HDAC8: variants seen among roughly 807,000 people sequenced by gnomAD.
HDAC8 encodes histone deacetylase 8.
A neutral mutation model predicts 32.2 loss-of-function variants in HDAC8; 1 was observed. The observed-to-expected ratio is 0.03, with a 90% CI of 0.01 to 0.15. The LOEUF is 0.15. Among genes scored for constraint, HDAC8 ranks in the 10% least tolerant of loss-of-function variants. The pLI, the probability that HDAC8 is intolerant of heterozygous loss-of-function variation, is 1.00. For missense variants in HDAC8, 117 were observed against 300.0 expected (o/e 0.39, Z 4.51); for synonymous variants, 108 against 113.9 (o/e 0.95, Z 0.33).
chrX:72,551,394 A>G (rs1441141098), intron 4 of HDAC8, among the ~76,000 whole-genome samples: 1 of 112,144 alleles, frequency 8.9e-6, no homozygotes, highest in Non-Finnish European at 1.9e-5. Context: ...AATCTTTTAT[A>G]TATTTTTTGT....
chrX:72,398,065 A>G, intron 9 of HDAC8, among the ~76,000 whole-genome samples: 1 of 112,302 alleles, frequency 8.9e-6, no homozygotes, highest in Non-Finnish European at 1.9e-5. Flanking sequence ...ATATACTCCC[A>G]TCAGAAGTCT....
At chrX:72,526,722 A>G (rs111871014) in intron 4 of HDAC8, among the ~76,000 whole-genome samples, 1 of 111,475 alleles carries the variant, frequency 9.0e-6, no homozygotes, top group South Asian at 3.9e-4. Context: ...ACCATGACCA[A>G]TGATGACATC....
At chrX:72,338,253 A>C (rs560522864) in intron 10 of HDAC8, among the ~76,000 whole-genome samples, 4 of 111,712 alleles carry the variant, frequency 3.6e-5, no homozygotes, top group African/African-American at 1.3e-4. Context: ...CCTGACACCT[A>C]GTAGGTGCTC....
At position 72,464,575 on chromosome X, in the gene HDAC8, T is replaced by C. The variant is rs2047961516; in HGVS notation, c.894A>G (p.Thr298=). The change falls in exon 8 of 11, where the codon ACA becomes ACG. Residue 298 remains threonine, a synonymous_variant. Coordinates refer to ENST00000373573, the MANE Select transcript of HDAC8 (RefSeq NM_018486.3). ...LKYILQWQLA[T]LILGGGGYNL... is the part of the protein sequence containing the mutation. ...TATACTCACCTCCTCCCAAAATGAG[T>C]GTTGCCAACTGCCATTGAAGGATGT... The C allele has an allele frequency of 1.7e-6, 2 of 1,207,892 alleles. No homozygotes were observed. Among genetic ancestry groups the C allele is most frequent in the Admixed American group, 4.4e-5 (2 of 45,930 alleles).
chrX:72,405,119 C>T (rs1555968451), intron 9 of HDAC8, among the ~76,000 whole-genome samples: 1 of 111,166 alleles, frequency 9.0e-6, no homozygotes, highest in Admixed American at 9.6e-5. Flanking sequence ...CCTCTCCCTC[C>T]TCCCATACTC....
chrX:72,506,074 CA>C (rs1327228347), intron 4 of HDAC8, among the ~76,000 whole-genome samples: 8 of 111,863 alleles, frequency 7.2e-5, no homozygotes, highest in Admixed American at 6.6e-4. Context: ...GGATCTGAGG[CA>C]GCCCTGCAAG....
intron 4 of HDAC8, among the ~76,000 whole-genome samples, chrX:72,501,266 A>G (rs1324436714): frequency 2.7e-5 from 3 of 111,889 alleles, no homozygotes; most frequent in Non-Finnish European, 5.6e-5. Context: ...ACTAGAAAAA[A>G]CTATTTTAAA....
intron 9 of HDAC8, among the ~76,000 whole-genome samples, chrX:72,379,902 T>C (rs1555959450): frequency 9.0e-6 from 1 of 110,863 alleles, no homozygotes; most frequent in Admixed American, 9.7e-5. Context: ...CAGCTAATGA[T>C]TGTACAGAGA....
At position 72,329,605 on chromosome X, in the gene HDAC8, T is replaced by C; in HGVS notation, c.*449A>G. 1 of 1,118,726 alleles carries C rather than the reference T, an allele frequency of 8.9e-7. No individual in the cohort carries two copies. Among genetic ancestry groups the C allele is most frequent in the Non-Finnish European group, 1.2e-6 (1 of 830,989 alleles). 92.2% of individuals were successfully genotyped at this position (1,118,726 alleles called of 1,213,427 possible). On this transcript the variant is annotated 3_prime_UTR_variant, in exon 11 of 11. Coordinates refer to ENST00000373573, the MANE Select transcript of HDAC8 (RefSeq NM_018486.3). ...TTCTCCCCACCTCCCAGTCTGCTGA[T>C]CAGTACCCTCTCTCCCAGGGCTCCA...
At chrX:72,557,216 A>G (rs192296048) in intron 4 of HDAC8, among the ~76,000 whole-genome samples, 2 of 111,699 alleles carry the variant, frequency 1.8e-5, no homozygotes, top group East Asian at 5.6e-4. Flanking sequence ...CAAACAAACA[A>G]AAAAACATTC....
chrX:72,485,740 C>T (rs1208085246), intron 7 of HDAC8, among the ~76,000 whole-genome samples: 1 of 111,731 alleles, frequency 9.0e-6, no homozygotes, highest in Non-Finnish European at 1.9e-5. Flanking sequence ...AAAATGAGAG[C>T]ATCTTATAAG....
intron 9 of HDAC8, among the ~76,000 whole-genome samples, chrX:72,357,590 C>T (rs1413791145): frequency 9.0e-6 from 1 of 110,848 alleles, no homozygotes; most frequent in African/African-American, 3.3e-5. Context: ...TGGAAAGAGA[C>T]CTTTGCTGCA....
intron 9 of HDAC8, among the ~76,000 whole-genome samples, chrX:72,442,517 A>C (rs2047190852): frequency 8.9e-6 from 1 of 111,916 alleles, no homozygotes; most frequent in Admixed American, 9.5e-5. Flanking sequence ...GCCTGCCCTA[A>C]AAGAGCTCCT....
Position 72,516,193 on chromosome X carries a change from A to G in HDAC8, c.438-20925T>C, listed in dbSNP as rs1156839452. On this transcript the variant is annotated intron_variant, in intron 4 of 10. Transcript: ENST00000373573. The stretch of plus-strand genomic sequence containing the variant: ...ACTGCATCAGGAGAAATTTATTAAC[A>G]GTAAGACAGGAAATTTGCGAGACAG... Among the ~76,000 whole-genome samples the G allele has an allele frequency of 3.6e-5, 4 of 112,189 alleles. No homozygotes were observed. In the Admixed American group the frequency reaches 3.8e-4, roughly 11 times the overall value.
At chrX:72,502,158 T>C (rs1488955791) in intron 4 of HDAC8, among the ~76,000 whole-genome samples, 2 of 111,715 alleles carry the variant, frequency 1.8e-5, no homozygotes, top group East Asian at 2.8e-4. Context: ...AGAAAACACT[T>C]ATACCCTGTT....
chrX:72,572,742 G>C lies in HDAC8; in HGVS notation c.20C>G (p.Pro7Arg), dbSNP rs147689487. The change falls in exon 1 of 11, where the codon CCG becomes CGG. Residue 7 changes from proline (P) to arginine (R), a missense_variant. Around this residue, in one of 4 missense-constraint regions of HDAC8, gnomAD observed 37 missense variants for 53.1 expected, o/e 0.70. Transcript: ENST00000373573. ...GACCAGCGACTGCCCACTGTCCGCC[G>C]GTTCCTCCGGCTCCTCCATCTTCCG... is the stretch of plus-strand genomic sequence containing the variant. MEEPEEPADSGQSLVPV... is the reference protein window; with the variant it reads MEEPEERADSGQSLVPV... 202 of 1,207,058 alleles carry C rather than the reference G, an allele frequency of 1.7e-4. No homozygotes were observed. The highest frequency in any genetic ancestry group is 4.6e-4 in the Middle Eastern group (2 of 4,372).
At chrX:72,473,990 T>G in intron 7 of HDAC8, 4 of 621,959 alleles carry the variant, frequency 6.4e-6, no homozygotes, top group Non-Finnish European at 7.7e-6. Flanking sequence ...CTATTCTTTG[T>G]ACATAGCTCA....
chrX:72,403,656 G>A (rs12841751), intron 9 of HDAC8, among the ~76,000 whole-genome samples: 195 of 111,531 alleles, frequency 1.7e-3, no homozygotes, highest in African/African-American at 6.0e-3. Context: ...GTGAAACGCC[G>A]TCTCTACCAA....
In HDAC8 at chrX:72,329,868, T is replaced by A. The variant is rs1217515519; in HGVS notation, c.*186A>T. On this transcript the variant is annotated 3_prime_UTR_variant, in exon 11 of 11. Coordinates refer to ENST00000373573, the MANE Select transcript of HDAC8 (RefSeq NM_018486.3). ...TCTTCCCCTAGGTCCAGTTGAGGACTCTGGGGTGCCTGCCTCTTCACCCCA... is the reference window on the plus strand; with the variant it reads ...TCTTCCCCTAGGTCCAGTTGAGGACACTGGGGTGCCTGCCTCTTCACCCCA... 1.2e-6 allele frequency: 1 copy of A among 841,643 alleles called. No homozygotes were observed. Among genetic ancestry groups the A allele is most frequent in the Non-Finnish European group, 1.7e-6 (1 of 592,610 alleles). The allele number at this position is 841,643 out of a possible 1,213,427, so 69.4% of individuals were successfully genotyped here.
Sources: allele counts gnomAD v4.1 joint callset (sites outside exome capture counted in the v4.1 genomes callset), GRCh38; gene constraint gnomAD v4.1.1; regional missense constraint gnomAD v4.1.1; transcripts MANE v1.5; gene names NCBI Gene and HGNC (gene_info 2026-07-23, HGNC 2026-07-21).